DMXL1: variants seen among roughly 807,000 people sequenced by gnomAD.
The protein encoded by DMXL1 is Dmx like 1.
In DMXL1, 99 loss-of-function variants were observed where a neutral mutation model predicts 319.2. The ratio of observed to expected loss-of-function variants is 0.31; its 90% CI spans 0.26 to 0.37. The LOEUF is 0.37. Ranked by LOEUF, DMXL1 falls within the 10% of genes least tolerant of loss-of-function variation. The probability of loss-of-function intolerance (pLI) is 1.00; values close to 1 mark genes in which losing one functional copy is unlikely to be tolerated. For synonymous variants in DMXL1, 1,385 were observed against 1,235.2 expected, an observed-to-expected ratio of 1.12 and a Z score of -2.54; for missense variants, 3,745 against 3,595.6, an observed-to-expected ratio of 1.04 and a Z score of -1.06.
chr5:119,126,532 G>A (rs1037888733), intron 9 of DMXL1, among the ~76,000 whole-genome samples: 2 of 152,184 alleles, frequency 1.3e-5, no homozygotes, highest in Non-Finnish European at 2.9e-5. Context: ...AAAAGAAAAT[G>A]TAGGAAGTGT....
chr5:119,175,302 T>A lies in DMXL1; in HGVS notation c.6723T>A (p.Cys2241Ter). ...MHTLAASLSA[C>*]IYQCLCGSHN... The stretch of plus-strand genomic sequence containing the variant: ...CTTTAGCAGCTTCACTTTCTGCTTG[T>A]ATTTATCAGTGCCTTTGTGGTAGTC... Residue 2241 changes from cysteine (C) to a stop codon, truncating the protein, a stop_gained, in exon 26 of 44, where the codon TGT (cysteine) becomes TGA (stop). Coordinates refer to ENST00000539542, the MANE Select transcript of DMXL1 (RefSeq NM_001290321.3). LOFTEE classifies it high-confidence loss of function. The A allele has an allele frequency of 3.1e-6, 5 of 1,612,078 alleles. No individual in the cohort carries two copies. The highest frequency in any genetic ancestry group is 4.2e-6 in the Non-Finnish European group (5 of 1,179,082).
At chr5:119,126,413 C>T (rs892762732) in intron 9 of DMXL1, among the ~76,000 whole-genome samples, 1 of 152,112 alleles carries the variant, frequency 6.6e-6, no homozygotes, top group African/African-American at 2.4e-5. Flanking sequence ...CTTGCAGCAT[C>T]CTTTTATTTT....
intron 34 of DMXL1, among the ~76,000 whole-genome samples, chr5:119,210,497 C>G (rs1445482055): frequency 6.6e-6 from 1 of 152,122 alleles, no homozygotes; most frequent in Non-Finnish European, 1.5e-5. Context: ...GTTGTTTTTG[C>G]ATCTGTATGT....
At chr5:119,104,106 C>G (rs1757836864) in intron 3 of DMXL1, 1 of 152,042 alleles carries the variant, frequency 6.6e-6, no homozygotes, top group African/African-American at 2.4e-5. Flanking sequence ...ATATTCTTTC[C>G]TTTTCTTTGT....
intron 4 of DMXL1, among the ~76,000 whole-genome samples, chr5:119,106,566 C>A (rs1163994673): frequency 6.6e-6 from 1 of 152,034 alleles, no homozygotes; most frequent in Non-Finnish European, 1.5e-5. Flanking sequence ...CCTTTAAAGT[C>A]ATGCTAAAAA....
rs1053809113 is a variant in DMXL1, at chr5:119,194,066, A to T, written c.7457+96A>T. 1.1e-5 allele frequency: 9 copies of T among 831,526 alleles called. No homozygotes were observed. The African/African-American group carries it at 1.6e-4, about 15-fold the overall frequency. The allele number at this position is 831,526 out of a possible 1,614,324, so 51.5% of individuals were successfully genotyped here. The stretch of plus-strand genomic sequence containing the variant: ...TACATGTGAAATTAATAGCTTGTTG[A>T]CTTTATAACACATTATAACCCAGAT... On this transcript the variant is annotated intron_variant, in intron 30 of 43. Transcript: ENST00000539542.
At chr5:119,220,727 G>A (rs1034889392) in intron 36 of DMXL1, 134 bp downstream of exon 36, 23 of 1,223,732 alleles carry the variant, frequency 1.9e-5, no homozygotes, top group Admixed American at 1.9e-4. Flanking sequence ...TGCTAAATGA[G>A]GGGTGGCAAG....
intron 42 of DMXL1, among the ~76,000 whole-genome samples, chr5:119,240,950 C>T (rs764666455): frequency 5.9e-5 from 9 of 152,086 alleles, no homozygotes; most frequent in African/African-American, 1.2e-4. Flanking sequence ...AGCAAGGTCC[C>T]AGGATACAAG....
intron 32 of DMXL1, among the ~76,000 whole-genome samples, chr5:119,199,864 C>G (rs533395887): frequency 6.6e-6 from 1 of 152,120 alleles, no homozygotes; most frequent in African/African-American, 2.4e-5. Context: ...CTTATTGGCA[C>G]GTACGTCTTC....
chr5:119,203,859 C>T (rs1781265523), intron 33 of DMXL1, among the ~76,000 whole-genome samples: 1 of 151,916 alleles, frequency 6.6e-6, no homozygotes, highest in East Asian at 1.9e-4. Flanking sequence ...CTTGTTCTGT[C>T]ACCCAGGCTG....
chr5:119,092,232 C>A (rs901546936), intron 1 of DMXL1, among the ~76,000 whole-genome samples: 1 of 152,024 alleles, frequency 6.6e-6, no homozygotes, highest in Non-Finnish European at 1.5e-5. Flanking sequence ...TCTGGTGATA[C>A]TTTCAGCACT....
intron 20 of DMXL1, 70 bp from the exon 21 acceptor site, chr5:119,165,113 T>A: frequency 1.1e-6 from 1 of 923,814 alleles, no homozygotes; most frequent in Non-Finnish European, 1.7e-6. Flanking sequence ...TGTGCCAGCC[T>A]TTCATATGAA....
chr5:119,192,521 T>C (rs952559998), intron 29 of DMXL1, among the ~76,000 whole-genome samples: 2 of 152,202 alleles, frequency 1.3e-5, no homozygotes. Flanking sequence ...TCCCCTTTCA[T>C]ACTTACTTAT....
intron 37 of DMXL1, among the ~76,000 whole-genome samples, chr5:119,222,134 C>T (rs1399295449): frequency 6.6e-6 from 1 of 151,988 alleles, no homozygotes; most frequent in Non-Finnish European, 1.5e-5. Context: ...ATATTTTGTA[C>T]CTAATGGAGT....
chr5:119,125,679 C>G (rs1259588704), intron 9 of DMXL1, among the ~76,000 whole-genome samples: 1 of 151,970 alleles, frequency 6.6e-6, no homozygotes, highest in Non-Finnish European at 1.5e-5. Context: ...ATTCTCCTGC[C>G]TCTGCCTCCC....
intron 1 of DMXL1, among the ~76,000 whole-genome samples, chr5:119,087,548 T>C (rs185015963): frequency 4.9e-4 from 75 of 152,336 alleles, no homozygotes; most frequent in South Asian, 2.7e-3. Flanking sequence ...TTTCAAAAAA[T>C]TGTTCAGACT....
At chr5:119,098,216 T>C (rs571622856) in intron 2 of DMXL1, 112 bp downstream of exon 2, 2 of 1,270,898 alleles carry the variant, frequency 1.6e-6, no homozygotes, top group South Asian at 1.4e-5. Context: ...GTTTCAAAGA[T>C]AGTGTAGCTA....
intron 26 of DMXL1, 80 bp from the exon 27 acceptor site, chr5:119,177,277 A>G (rs1177571591): frequency 9.9e-7 from 1 of 1,008,600 alleles, no homozygotes; most frequent in Non-Finnish European, 1.4e-6. Context: ...ACAAAAATTG[A>G]TACTCTTGAA....
intron 5 of DMXL1, among the ~76,000 whole-genome samples, chr5:119,113,857 A>T (rs149467940): frequency 5.9e-4 from 90 of 152,374 alleles, no homozygotes; most frequent in African/African-American, 2.1e-3. Context: ...TAAATTTAGA[A>T]TTGACCTATC....
Sources: gnomAD v4.1 joint callset for allele counts (sites outside exome capture counted in the v4.1 genomes callset) on GRCh38, gnomAD v4.1.1 for gene constraint, MANE v1.5 for transcripts, NCBI Gene and HGNC (gene_info 2026-07-23, HGNC 2026-07-21) for gene names.